Variants in ESRRB observed in about 807,000 individuals in gnomAD.
The protein encoded by ESRRB is estrogen related receptor beta.
In ESRRB, 16 loss-of-function variants were observed where a neutral mutation model predicts 46.0. The ratio of observed to expected loss-of-function variants is 0.35; its 90% CI spans 0.24 to 0.53. The LOEUF is 0.53. ESRRB is among the 20% of genes least tolerant of loss of function. ESRRB has a pLI of 0.93. For missense variants in ESRRB, 488 were observed against 607.4 expected, an observed-to-expected ratio of 0.80 and a Z score of 2.07; for synonymous variants, 246 against 259.6, an observed-to-expected ratio of 0.95 and a Z score of 0.50.
At chr14:76,434,509 A>T (rs1300570579) in intron 1 of ESRRB, among the ~76,000 whole-genome samples, 1 of 151,896 alleles carries the variant, frequency 6.6e-6, no homozygotes, top group African/African-American at 2.4e-5. Flanking sequence ...AGAATACAAA[A>T]ATTAGCCAGG....
At chr14:76,335,930 G>A (rs1566854858) in intron 1 of ESRRB, among the ~76,000 whole-genome samples, 1 of 152,162 alleles carries the variant, frequency 6.6e-6, no homozygotes, top group Non-Finnish European at 1.5e-5. Context: ...CCCCAGAATA[G>A]CTTCTATTAT....
chr14:76,331,334 G>A (rs1884010950), intron 1 of ESRRB, among the ~76,000 whole-genome samples: 2 of 152,166 alleles, frequency 1.3e-5, no homozygotes, highest in South Asian at 2.1e-4. Flanking sequence ...GGCCCCATCT[G>A]TGAATTCACC....
upstream of ESRRB, among the ~76,000 whole-genome samples, chr14:76,368,803 G>C (rs769018300): frequency 5.9e-5 from 9 of 152,212 alleles, no homozygotes; most frequent in Non-Finnish European, 1.2e-4. Context: ...ACATCATTCA[G>C]AGTGGTGGAG....
chr14:76,315,857 C>T (rs1330824809), intron 1 of ESRRB, among the ~76,000 whole-genome samples: 1 of 152,176 alleles, frequency 6.6e-6, no homozygotes, highest in African/African-American at 2.4e-5. Flanking sequence ...TATGGGAGAG[C>T]AGAGGATGTG....
intron 5 of ESRRB, among the ~76,000 whole-genome samples, chr14:76,483,689 G>A (rs550021178): frequency 6.6e-6 from 1 of 152,274 alleles, no homozygotes; most frequent in African/African-American, 2.4e-5. Context: ...TCAGAGTGTG[G>A]TAGAAACATC....
chr14:76,499,229 C>T lies in ESRRB; in HGVS notation c.*771C>T, dbSNP rs1413250661. On this transcript the variant is annotated 3_prime_UTR_variant, in exon 7 of 7. Transcript: ENST00000644823. ...GTGGGTTCAGCCAGCCACAGCGACT[C>T]CAGGGGCTGTAGACAGGAACGCGCT... 1.1e-5 allele frequency: 3 copies of T among 263,004 alleles called. No homozygotes were observed. In the Admixed American group the frequency reaches 1.5e-4, roughly 13 times the overall value. 16.3% of individuals were successfully genotyped at this position (263,004 alleles called of 1,614,324 possible). A position where few individuals can be genotyped will look rare whatever the true frequency, so the allele number is the denominator to read the frequency against.
intron 1 of ESRRB, among the ~76,000 whole-genome samples, chr14:76,418,032 T>A (rs2139880331): frequency 7.0e-6 from 1 of 143,728 alleles, no homozygotes; most frequent in Non-Finnish European, 1.5e-5. Flanking sequence ...CTTGGCCCAC[T>A]GCAACCTCTG....
At chr14:76,384,157 TCTTA>T (rs1307701439) in intron 1 of ESRRB, among the ~76,000 whole-genome samples, 1 of 152,160 alleles carries the variant, frequency 6.6e-6, no homozygotes, top group East Asian at 1.9e-4. Context: ...GTATTTATCC[TCTTA>T]CTTTTAGCTT....
At chr14:76,401,166 G>A (rs555777621) in intron 1 of ESRRB, among the ~76,000 whole-genome samples, 1 of 152,350 alleles carries the variant, frequency 6.6e-6, no homozygotes, top group South Asian at 2.1e-4. Context: ...AAAAGAGGAA[G>A]CCTCGAAACA....
chr14:76,499,538 T>C lies in ESRRB; in HGVS notation c.*1080T>C. The C allele has an allele frequency of 2.3e-6, 1 of 434,698 alleles. No individual in the cohort carries two copies. Among genetic ancestry groups the C allele is most frequent in the Non-Finnish European group, 4.3e-6 (1 of 232,720 alleles). 26.9% of individuals were successfully genotyped at this position (434,698 alleles called of 1,614,324 possible). A position where few individuals can be genotyped will look rare whatever the true frequency, so the allele number is the denominator to read the frequency against. On this transcript the variant is annotated 3_prime_UTR_variant, in exon 7 of 7. Coordinates refer to ENST00000644823, the MANE Select transcript of ESRRB (RefSeq NM_001379180.1). ...GTGGCCTGCCTCATCCTTCCTGGCT[T>C]CCCTTCCCTGCACTCAGCATCATGC...
chr14:76,501,041 G>T lies in ESRRB; in HGVS notation c.*2583G>T. 1 of 446,650 alleles carries T rather than the reference G, an allele frequency of 2.2e-6. No individual in the cohort carries two copies. Among genetic ancestry groups the T allele is most frequent in the Non-Finnish European group, 4.1e-6 (1 of 244,378 alleles). The allele number at this position is 446,650 out of a possible 1,614,324, so 27.7% of individuals were successfully genotyped here. ...AGATGAGGACCCTCTCCGGGGAAGGGAGAGGACTGACTTAGTGGAAGGTGG... is the reference window on the plus strand; with the variant it reads ...AGATGAGGACCCTCTCCGGGGAAGGTAGAGGACTGACTTAGTGGAAGGTGG... On this transcript the variant is annotated 3_prime_UTR_variant, in exon 7 of 7. Coordinates refer to ENST00000644823, the MANE Select transcript of ESRRB (RefSeq NM_001379180.1).
chr14:76,351,373 TATG>T (rs78889939), intron 1 of ESRRB, among the ~76,000 whole-genome samples: 28,568 of 152,108 alleles, frequency 0.19, 3,359 homozygotes, highest in Non-Finnish European at 0.26. Flanking sequence ...CTTCCTCACT[TATG>T]GTGGTTGCTG....
intron 1 of ESRRB, among the ~76,000 whole-genome samples, chr14:76,350,055 C>A (rs1339125829): frequency 6.6e-6 from 1 of 152,192 alleles, no homozygotes; most frequent in Non-Finnish European, 1.5e-5. Context: ...CTGGAGCGTT[C>A]TTTTCTTCCT....
intron 1 of ESRRB, among the ~76,000 whole-genome samples, chr14:76,378,487 C>G (rs917846184): frequency 1.3e-5 from 2 of 151,622 alleles, no homozygotes; most frequent in African/African-American, 4.8e-5. Flanking sequence ...GATCCCCAAC[C>G]CTTTCCGGTT....
At chr14:76,364,668 G>A (rs1444629217) in intron 1 of ESRRB, among the ~76,000 whole-genome samples, 1 of 150,978 alleles carries the variant, frequency 6.6e-6, no homozygotes, top group Non-Finnish European at 1.5e-5. Context: ...CTCCATCCTG[G>A]GCAACAGAGC....
intron 1 of ESRRB, among the ~76,000 whole-genome samples, chr14:76,380,708 C>A (rs747338221): frequency 6.6e-6 from 1 of 152,152 alleles, no homozygotes; most frequent in Non-Finnish European, 1.5e-5. Flanking sequence ...GAGCTTCTGT[C>A]GTAGAGTCTG....
At chr14:76,417,938 T>C (rs904196253) in intron 1 of ESRRB, among the ~76,000 whole-genome samples, 2 of 147,272 alleles carry the variant, frequency 1.4e-5, no homozygotes, top group Non-Finnish European at 3.0e-5. Context: ...GTGGGGCTTT[T>C]ACATACTTTT....
At chr14:76,469,355 C>T (rs368621923) in intron 3 of ESRRB, among the ~76,000 whole-genome samples, 17 of 152,102 alleles carry the variant, frequency 1.1e-4, no homozygotes, top group African/African-American at 3.9e-4. Flanking sequence ...TCAGCCTCCC[C>T]AAGTGCTGGG....
chr14:76,475,947 T>TAACA lies in ESRRB; in HGVS notation c.578-6069_578-6068insAACA, dbSNP rs1267430229. Among the ~76,000 whole-genome samples the TAACA allele has an allele frequency of 2.6e-3, 392 of 152,372 alleles. 2 individuals are homozygous for TAACA. The highest frequency in any genetic ancestry group is 8.8e-3 in the African/African-American group (364 of 41,594). ...GAGATGCCATGCATCGCTTACCCAG[T>TAACA]TTCCCCTAATGGTAACATCTTAAAA... is the stretch of plus-strand genomic sequence containing the variant. On this transcript the variant is annotated intron_variant, in intron 3 of 6. Transcript: ENST00000644823.
Sources: allele counts gnomAD v4.1 joint callset (sites outside exome capture counted in the v4.1 genomes callset), GRCh38; gene constraint gnomAD v4.1.1; transcripts MANE v1.5; gene names NCBI Gene and HGNC (gene_info 2026-07-23, HGNC 2026-07-21).